Variants in CUBN observed in about 807,000 individuals in gnomAD.
The protein encoded by CUBN is 460 kDa receptor.
In CUBN, 282 loss-of-function variants were observed where a neutral mutation model predicts 405.3. The observed-to-expected ratio is 0.70, with a 90% CI of 0.63 to 0.77. CUBN has a LOEUF of 0.77. CUBN is among the 30% of genes least tolerant of loss of function. The pLI is 0.00. For synonymous variants in CUBN, 1,684 were observed against 1,617.0 expected, an observed-to-expected ratio of 1.04 and a Z score of -0.99; for missense variants, 4,514 against 4,475.2, an observed-to-expected ratio of 1.01 and a Z score of -0.25.
At position 16,915,989 on chromosome 10, in the gene CUBN, C is replaced by G. The variant is rs997399082; in HGVS notation, c.7042G>C (p.Glu2348Gln). 1 of 1,613,988 alleles carries G rather than the reference C, an allele frequency of 6.2e-7. No homozygotes were observed. Among genetic ancestry groups the G allele is most frequent in the African/African-American group, 1.3e-5 (1 of 74,912 alleles). The change falls in exon 46 of 67, where the codon GAA becomes CAA. Residue 2348 changes from glutamate (E) to glutamine (Q), a missense_variant. Glu to Gln is a conservative substitution (Grantham distance 29, BLOSUM62 2). Around this residue, in one of 5 missense-constraint regions of CUBN, gnomAD observed 1,613 missense variants for 1,542.8 expected, o/e 1.05. Coordinates refer to ENST00000377833, the MANE Select transcript of CUBN (RefSeq NM_001081.4). ...GRVPGQSGVV[E>Q]SIGHPTLPYR... ...GGAAGTGTTGGATGTCCAATGCTTTCAACAACACCACTTTGCCCTGGTACT... is the reference window on the plus strand; with the variant it reads ...GGAAGTGTTGGATGTCCAATGCTTTGAACAACACCACTTTGCCCTGGTACT...
chr10:16,975,594 T>C (rs1380330880), intron 31 of CUBN, among the ~76,000 whole-genome samples: 6 of 150,398 alleles, frequency 4.0e-5, no homozygotes, highest in Admixed American at 4.0e-4. Flanking sequence ...GCTTTGTCTC[T>C]GGCCCATTCA....
intron 47 of CUBN, among the ~76,000 whole-genome samples, chr10:16,914,647 C>A (rs1402448081): frequency 7.1e-6 from 1 of 140,996 alleles, no homozygotes; most frequent in Non-Finnish European, 1.6e-5. Context: ...CAAGGCAAGA[C>A]CCCATGTTCA....
intron 28 of CUBN, among the ~76,000 whole-genome samples, chr10:16,991,820 G>A: frequency 6.6e-6 from 1 of 152,070 alleles, no homozygotes; most frequent in Non-Finnish European, 1.5e-5. Flanking sequence ...AACCATTGTG[G>A]AAGTCAGTGT....
chr10:16,970,399 A>G (rs893323643), intron 31 of CUBN, among the ~76,000 whole-genome samples: 1 of 152,124 alleles, frequency 6.6e-6, no homozygotes, highest in African/African-American at 2.4e-5. Flanking sequence ...ACATGGTGAA[A>G]CCCCATCTCC....
rs1564449039 is a variant in CUBN at position 16,961,865 on chromosome 10, CTA to C, written c.4696-7319_4696-7318del. On this transcript the variant is annotated intron_variant, in intron 31 of 66. Coordinates refer to ENST00000377833, the MANE Select transcript of CUBN (RefSeq NM_001081.4). ...TAGCTGGGACTACAGGCGCCCGCCA[CTA>C]CGCCTGGCTAATTTTTTTGTATTTT... 5.3e-5 allele frequency among the ~76,000 whole-genome samples: 8 copies of C among 152,000 alleles called. No homozygotes were observed. The South Asian group carries it at 6.2e-4, about 12-fold the overall frequency.
At chr10:17,106,942 T>C (rs1196986082) in intron 10 of CUBN, among the ~76,000 whole-genome samples, 2 of 152,186 alleles carry the variant, frequency 1.3e-5, no homozygotes, top group Non-Finnish European at 2.9e-5. Context: ...CATAAATATA[T>C]GGGGACATCA....
At chr10:16,904,672 T>C (rs1841507279) in intron 50 of CUBN, among the ~76,000 whole-genome samples, 1 of 152,270 alleles carries the variant, frequency 6.6e-6, no homozygotes, top group African/African-American at 2.4e-5. Flanking sequence ...AGCTCTCATT[T>C]ATCTGCTTTC....
chr10:16,946,306 G>T (rs1232049060), intron 36 of CUBN, among the ~76,000 whole-genome samples: 1 of 151,984 alleles, frequency 6.6e-6, no homozygotes, highest in Non-Finnish European at 1.5e-5. Flanking sequence ...ACATATTATT[G>T]TTGCTGTCTA....
At chr10:16,904,468 C>A (rs561619318) in intron 50 of CUBN, among the ~76,000 whole-genome samples, 2 of 152,160 alleles carry the variant, frequency 1.3e-5, no homozygotes, top group African/African-American at 4.8e-5. Context: ...AAATATAATA[C>A]CAACAGTGAT....
At chr10:16,838,488 C>T in intron 62 of CUBN, among the ~76,000 whole-genome samples, 1 of 152,182 alleles carries the variant, frequency 6.6e-6, no homozygotes, top group South Asian at 2.1e-4. Flanking sequence ...CCCAGATAAT[C>T]TCATTCTTCT....
intron 14 of CUBN, among the ~76,000 whole-genome samples, chr10:17,099,479 T>A (rs1053680952): frequency 2.0e-5 from 3 of 152,182 alleles, no homozygotes; most frequent in African/African-American, 4.8e-5. Flanking sequence ...TGTTTTTTAA[T>A]CCCTTCTATT....
intron 28 of CUBN, among the ~76,000 whole-genome samples, chr10:17,002,894 A>T (rs1281285126): frequency 6.6e-6 from 1 of 152,244 alleles, no homozygotes; most frequent in Non-Finnish European, 1.5e-5. Context: ...TTTGTCATAA[A>T]TACAAATCAG....
At chr10:16,842,727 C>T (rs981345422) in intron 60 of CUBN, among the ~76,000 whole-genome samples, 9 of 152,360 alleles carry the variant, frequency 5.9e-5, no homozygotes, top group African/African-American at 2.2e-4. Context: ...GTCTAAAATG[C>T]TTCGGCAGAT....
At chr10:16,995,734 G>T (rs1317256045) in intron 28 of CUBN, among the ~76,000 whole-genome samples, 1 of 151,976 alleles carries the variant, frequency 6.6e-6, no homozygotes, top group African/African-American at 2.4e-5. Context: ...CTAGAGAAGA[G>T]GTAAGAAATT....
At chr10:17,125,988 C>T (rs1308437235) in intron 4 of CUBN, among the ~76,000 whole-genome samples, 1 of 152,194 alleles carries the variant, frequency 6.6e-6, no homozygotes, top group Non-Finnish European at 1.5e-5. Context: ...TGGGACCTGC[C>T]TCAATCTGCA....
intron 62 of CUBN, among the ~76,000 whole-genome samples, chr10:16,838,262 A>C (rs558563249): frequency 7.6e-4 from 116 of 152,290 alleles, no homozygotes; most frequent in African/African-American, 2.6e-3. Context: ...CATGAGAAGC[A>C]GGGGACCCCA....
At chr10:17,108,039 G>T (rs1024129592) in intron 10 of CUBN, among the ~76,000 whole-genome samples, 6 of 151,904 alleles carry the variant, frequency 3.9e-5, no homozygotes, top group African/African-American at 1.5e-4. Context: ...AGTAAAGAAG[G>T]GCAGCCTAAA....
At chr10:17,115,248 A>T in intron 7 of CUBN, among the ~76,000 whole-genome samples, 1 of 146,862 alleles carries the variant, frequency 6.8e-6, no homozygotes. Context: ...CATCTCAAAA[A>T]AAAAAAAAAA....
At chr10:17,051,735 C>A (rs188669319) in intron 22 of CUBN, among the ~76,000 whole-genome samples, 639 of 151,272 alleles carry the variant, frequency 4.2e-3, no homozygotes, top group Non-Finnish European at 5.1e-3. Context: ...TATTAATAGA[C>A]ATAATTTAAT....
Sources: allele counts gnomAD v4.1 joint callset (sites outside exome capture counted in the v4.1 genomes callset), GRCh38; gene constraint gnomAD v4.1.1; regional missense constraint gnomAD v4.1.1; transcripts MANE v1.5; gene names NCBI Gene and HGNC (gene_info 2026-07-23, HGNC 2026-07-21).